PPP2R2B: variants seen among roughly 807,000 people sequenced by gnomAD.
The protein encoded by PPP2R2B is protein phosphatase 2 regulatory subunit Bbeta, also known as serine/threonine-protein phosphatase 2A 55 kDa regulatory subunit B beta isoform.
Under a neutral mutation model 46.0 loss-of-function variants are expected in PPP2R2B, and 5 were observed. The observed-to-expected ratio is 0.11, with a 90% CI of 0.06 to 0.23. PPP2R2B has a LOEUF of 0.23. Among genes scored for constraint, PPP2R2B ranks in the 10% least tolerant of loss-of-function variants. The probability of loss-of-function intolerance (pLI) is 1.00; values close to 1 mark genes in which losing one functional copy is unlikely to be tolerated. For synonymous variants in PPP2R2B, 215 were observed against 206.7 expected (o/e 1.04, Z -0.34); for missense variants, 367 against 575.0 (o/e 0.64, Z 3.70).
At chr5:146,599,809 C>T (rs544404547) in intron 8 of PPP2R2B, among the ~76,000 whole-genome samples, 1 of 152,322 alleles carries the variant, frequency 6.6e-6, no homozygotes, top group African/African-American at 2.4e-5. Flanking sequence ...GCCCCCCACC[C>T]TCTGACAGGC....
intron 1 of PPP2R2B, among the ~76,000 whole-genome samples, chr5:146,967,739 A>G (rs1354157497): frequency 1.3e-5 from 2 of 152,192 alleles, no homozygotes; most frequent in Non-Finnish European, 2.9e-5. Flanking sequence ...GATGCCAGGC[A>G]TCCTGCAGCT....
intron 2 of PPP2R2B, among the ~76,000 whole-genome samples, chr5:146,705,520 A>G (rs1331849066): frequency 6.6e-6 from 1 of 152,136 alleles, no homozygotes; most frequent in Non-Finnish European, 1.5e-5. Flanking sequence ...ACTGGCAATG[A>G]CTACTTTGTG....
intron 1 of PPP2R2B, among the ~76,000 whole-genome samples, chr5:147,012,493 T>G (rs1238586974): frequency 9.9e-5 from 15 of 152,144 alleles, no homozygotes; most frequent in Non-Finnish European, 2.2e-4. Context: ...GTCTTGCTAG[T>G]GGTTTATCAA....
intron 1 of PPP2R2B, among the ~76,000 whole-genome samples, chr5:146,945,564 A>G: frequency 6.6e-6 from 1 of 152,162 alleles, no homozygotes; most frequent in East Asian, 1.9e-4. Flanking sequence ...ACAAGAAGCT[A>G]AAGTTGTGCT....
intron 1 of PPP2R2B, among the ~76,000 whole-genome samples, chr5:146,995,432 A>G (rs1198569155): frequency 1.3e-5 from 2 of 152,214 alleles, no homozygotes; most frequent in African/African-American, 4.8e-5. Context: ...GGGTGTAACC[A>G]CTGACAGGCT....
chr5:146,604,438 C>G lies in PPP2R2B; in HGVS notation c.791-3978G>C, dbSNP rs114805253. On this transcript the variant is annotated intron_variant, in intron 7 of 9. Coordinates refer to ENST00000394411, the MANE Select transcript of PPP2R2B (RefSeq NM_181675.4). ...GCTGACCTGCAAGGTTTCCAATTAG[C>G]TACCAGAAAATAGAGACATTGAGAG... is the stretch of plus-strand genomic sequence containing the variant. Among the ~76,000 whole-genome samples the G allele has an allele frequency of 4.9e-3, 751 of 152,180 alleles. 7 individuals carry two copies. Among genetic ancestry groups the G allele is most frequent in the African/African-American group, 0.017 (710 of 41,520 alleles).
chr5:146,698,317 A>AAAAAATATATAT (rs1250416449), intron 3 of PPP2R2B, among the ~76,000 whole-genome samples, 173 bp from the exon 4 acceptor site: 2 of 85,622 alleles, frequency 2.3e-5, no homozygotes, highest in Non-Finnish European at 4.0e-5. Context: ...AAAAAAAAAA[A>AAAAAATATATAT]ATATATATAT....
chr5:146,660,492 G>T (rs1479751062), intron 5 of PPP2R2B, among the ~76,000 whole-genome samples: 1 of 152,118 alleles, frequency 6.6e-6, no homozygotes, highest in Non-Finnish European at 1.5e-5. Flanking sequence ...TTCTTCCATG[G>T]ATCAATGGTG....
chr5:146,878,727 A>AGCAGCTGCTGCTGCT lies in PPP2R2B; in HGVS notation c.-262_-261insAGCAGCAGCAGCTGC, dbSNP rs142461655. ...CTCACACCCACACGCGCGCACTCGC[A>AGCAGCTGCTGCTGCT]GCTGCTGCTGCTGCTGCTGCTGCTG... On this transcript the variant is annotated 5_prime_UTR_variant, in exon 1 of 10. Transcript: ENST00000394411. The surrounding 1 kb of genome is among the most constrained non-coding windows in gnomAD (Gnocchi z 4.5). The AGCAGCTGCTGCTGCT allele has an allele frequency of 1.3e-5, 17 of 1,297,474 alleles. No individual in the cohort carries two copies. Among genetic ancestry groups the AGCAGCTGCTGCTGCT allele is most frequent in the South Asian group, 3.9e-5 (3 of 77,240 alleles). The allele number at this position is 1,297,474 out of a possible 1,614,324, so 80.4% of individuals were successfully genotyped here. A position where few individuals can be genotyped will look rare whatever the true frequency, so the allele number is the denominator to read the frequency against.
chr5:147,055,624 T>C, intron 1 of PPP2R2B: 1 of 1,556,742 alleles, frequency 6.4e-7, no homozygotes, highest in Non-Finnish European at 8.9e-7. Flanking sequence ...ACCAGCCCAC[T>C]TTTCCCACCC....
chr5:146,787,866 C>G (rs1755943142), intron 2 of PPP2R2B, among the ~76,000 whole-genome samples: 1 of 152,152 alleles, frequency 6.6e-6, no homozygotes, highest in South Asian at 2.1e-4. Flanking sequence ...CCATGTCCAG[C>G]CTATTCTTTC....
chr5:146,633,757 A>G (rs1243217397), intron 7 of PPP2R2B, among the ~76,000 whole-genome samples: 1 of 152,058 alleles, frequency 6.6e-6, no homozygotes, highest in Admixed American at 6.5e-5. Context: ...GGCTGGAGGG[A>G]GAAGCAGCTT....
chr5:147,009,947 A>G (rs1754637238), intron 1 of PPP2R2B, among the ~76,000 whole-genome samples: 1 of 151,698 alleles, frequency 6.6e-6, no homozygotes, highest in Admixed American at 6.6e-5. Flanking sequence ...TATACTCACT[A>G]TAGCCATTCT....
chr5:146,697,887 C>T, intron 4 of PPP2R2B, 92 bp downstream of exon 4: 2 of 1,300,556 alleles, frequency 1.5e-6, no homozygotes, highest in Non-Finnish European at 2.1e-6. Context: ...CAACAGCCCA[C>T]ACAGTTCAAA....
rs538027154 is a variant in PPP2R2B at position 146,677,054 on chromosome 5, T to A, written c.447+14074A>T. ...AACTCCTGAACTCCTATCTTTGTTGTCTGCTTTGTCTGCTTTGACGATCTT... is the reference window on the plus strand; with the variant it reads ...AACTCCTGAACTCCTATCTTTGTTGACTGCTTTGTCTGCTTTGACGATCTT... On this transcript the variant is annotated intron_variant, in intron 5 of 9. Transcript: ENST00000394411. 3.5e-4 allele frequency among the ~76,000 whole-genome samples: 33 copies of A among 95,070 alleles called. 1 individual carries two copies. Among genetic ancestry groups the A allele is most frequent in the Admixed American group, 2.0e-3 (21 of 10,726 alleles). 62.4% of individuals were successfully genotyped at this position (95,070 alleles called of 152,430 possible).
intron 1 of PPP2R2B, chr5:147,055,530 T>A: frequency 1.4e-6 from 1 of 731,966 alleles, no homozygotes; most frequent in Non-Finnish European, 2.3e-6. Context: ...GATCTAAGTC[T>A]GTTGGATACA....
chr5:146,906,309 T>TTATTTATA (rs1348277938), intron 1 of PPP2R2B, among the ~76,000 whole-genome samples: 2 of 151,312 alleles, frequency 1.3e-5, no homozygotes, highest in Admixed American at 1.3e-4. Flanking sequence ...CATTTTCCAT[T>TTATTTATA]TATTTATTTA....
intron 5 of PPP2R2B, among the ~76,000 whole-genome samples, chr5:146,689,271 C>T (rs1257989946): frequency 3.9e-5 from 6 of 152,088 alleles, no homozygotes; most frequent in East Asian, 1.9e-4. Flanking sequence ...TCATCATCCC[C>T]GTTATATAGA....
intron 2 of PPP2R2B, among the ~76,000 whole-genome samples, chr5:146,874,048 C>G (rs145211835): frequency 0.012 from 1,852 of 152,346 alleles, 15 homozygotes; most frequent in Non-Finnish European, 0.02. Context: ...TCCTTTAGTT[C>G]TCAGTTTCAG....
Sources: gnomAD v4.1 joint callset for allele counts (sites outside exome capture counted in the v4.1 genomes callset) on GRCh38, gnomAD v4.1.1 for gene constraint, Gnocchi (gnomAD v3.1) non-coding constraint, MANE v1.5 for transcripts, NCBI Gene and HGNC (gene_info 2026-07-23, HGNC 2026-07-21) for gene names.